The following VEPH1 variants were observed in gnomAD, a reference collection of about 807,000 sequenced individuals.
The protein encoded by VEPH1 is ventricular zone expressed PH domain containing 1.
In VEPH1, 80 loss-of-function variants were observed where a neutral mutation model predicts 85.2. The observed-to-expected ratio is 0.94, with a 90% CI of 0.78 to 1.13. VEPH1 has a LOEUF of 1.13. VEPH1 is among the 50% of genes most tolerant of loss of function. The pLI, the probability that VEPH1 is intolerant of heterozygous loss-of-function variation, is 0.00. For missense variants in VEPH1, 955 were observed against 980.5 expected (o/e 0.97, Z 0.35); for synonymous variants, 297 against 348.0 (o/e 0.85, Z 1.63).
At chr3:157,292,861 T>C (rs1717669728) in intron 11 of VEPH1, among the ~76,000 whole-genome samples, 1 of 142,748 alleles carries the variant, frequency 7.0e-6, no homozygotes, top group Non-Finnish European at 1.5e-5. Flanking sequence ...CAAGTGCCTG[T>C]AATGCCAGCT....
At chr3:157,387,185 C>T (rs1055405014) in intron 6 of VEPH1, among the ~76,000 whole-genome samples, 2 of 152,002 alleles carry the variant, frequency 1.3e-5, no homozygotes, top group African/African-American at 4.8e-5. Flanking sequence ...CCATTTTTTT[C>T]ACTTTTTATT....
At chr3:157,460,024 A>G (rs1735690849) in intron 4 of VEPH1, 157 bp downstream of exon 4, 3 of 1,561,160 alleles carry the variant, frequency 1.9e-6, no homozygotes, top group Non-Finnish European at 1.7e-6. Context: ...AGATTAAGTA[A>G]CCTTTTGCAT....
At chr3:157,366,551 A>G (rs192432073) in intron 7 of VEPH1, among the ~76,000 whole-genome samples, 18 of 152,284 alleles carry the variant, frequency 1.2e-4, no homozygotes, top group Admixed American at 9.8e-4. Context: ...CCTGCTCAAC[A>G]TGGTGAAACC....
At chr3:157,295,368 G>A (rs1257298613) in intron 11 of VEPH1, among the ~76,000 whole-genome samples, 1 of 151,842 alleles carries the variant, frequency 6.6e-6, no homozygotes, top group East Asian at 1.9e-4. Context: ...GGAGTTCGTG[G>A]AGGCAGTGAG....
rs552544551 is a variant in VEPH1, at chr3:157,495,556, G to A, written c.-157-50C>T. The A allele has an allele frequency of 1.6e-4, 206 of 1,261,734 alleles. 5 individuals are homozygous for A. In the South Asian group the frequency reaches 3.9e-3, roughly 24 times the overall value. 78.2% of individuals were successfully genotyped at this position (1,261,734 alleles called of 1,614,324 possible). A position where few individuals can be genotyped will look rare whatever the true frequency, so the allele number is the denominator to read the frequency against. ...TGTAGCCACTGGCAGAATGGCATAA[G>A]CTCAGAATGTGAACTCAGTGTCCAG... On this transcript the variant is annotated intron_variant, in intron 1 of 13. Transcript: ENST00000362010.
chr3:157,439,726 C>T (rs1577662848), intron 4 of VEPH1, among the ~76,000 whole-genome samples: 1 of 152,136 alleles, frequency 6.6e-6, no homozygotes, highest in African/African-American at 2.4e-5. Context: ...AATTCGATTG[C>T]AGTAGGCACC....
At position 157,313,666 on chromosome 3, in the gene VEPH1, G is replaced by C. The variant is rs1430434674; in HGVS notation, c.1965C>G (p.His655Gln). 1.2e-6 allele frequency: 2 copies of C among 1,614,018 alleles called. No homozygotes were observed. The highest frequency in any genetic ancestry group is 4.5e-5 in the East Asian group (2 of 44,876). Residue 655 changes from histidine (H) to glutamine (Q), a missense_variant, in exon 11 of 14, where the codon CAC (histidine) becomes CAG (glutamine). His to Gln is a conservative substitution (Grantham distance 24). Transcript: ENST00000362010. ...ACTCCATCATGGCAGTTTCAAAGCT[G>C]TGAGCACCCCCTGCCTGGGTCTTCT... ...LWEKTQAGGA[H>Q]SFETAMMEST...
At chr3:157,375,832 A>T (rs1728032070) in intron 7 of VEPH1, among the ~76,000 whole-genome samples, 1 of 152,168 alleles carries the variant, frequency 6.6e-6, no homozygotes, top group South Asian at 2.1e-4. Context: ...GCAAGCATAA[A>T]ATCTCATAAT....
chr3:157,313,191 A>G (rs1720328614), intron 11 of VEPH1, among the ~76,000 whole-genome samples: 1 of 151,598 alleles, frequency 6.6e-6, no homozygotes, highest in African/African-American at 2.4e-5. Context: ...GGCATGAGCC[A>G]CCGTGCCCGG....
intron 9 of VEPH1, among the ~76,000 whole-genome samples, chr3:157,328,161 C>T (rs1439088162): frequency 6.6e-6 from 1 of 152,134 alleles, no homozygotes; most frequent in Non-Finnish European, 1.5e-5. Flanking sequence ...TGCAAGTCTT[C>T]CAGTGCTGTC....
chr3:157,415,988 C>A (rs896914758), intron 5 of VEPH1, among the ~76,000 whole-genome samples: 9 of 152,114 alleles, frequency 5.9e-5, no homozygotes, highest in African/African-American at 1.9e-4. Flanking sequence ...GCAGGTCCTT[C>A]ACATGCTTCC....
chr3:157,365,224 A>T (rs1726505695), intron 7 of VEPH1, among the ~76,000 whole-genome samples: 1 of 152,188 alleles, frequency 6.6e-6, no homozygotes, highest in South Asian at 2.1e-4. Context: ...TCTGATGTTC[A>T]CTGAGGTGCT....
chr3:157,321,163 T>A (rs1252594580), intron 9 of VEPH1, among the ~76,000 whole-genome samples: 1 of 152,174 alleles, frequency 6.6e-6, no homozygotes, highest in African/African-American at 2.4e-5. Flanking sequence ...TCATTTTGAA[T>A]TCTTTACAAA....
chr3:157,498,365 C>T (rs189536365), intron 1 of VEPH1, among the ~76,000 whole-genome samples: 4 of 152,286 alleles, frequency 2.6e-5, no homozygotes, highest in Non-Finnish European at 4.4e-5. Flanking sequence ...AAAGTGTAAA[C>T]GAGCCCTTTA....
chr3:157,317,365 G>A (rs1309106532), intron 9 of VEPH1, among the ~76,000 whole-genome samples, 164 bp from the exon 10 acceptor site: 2 of 152,164 alleles, frequency 1.3e-5, no homozygotes, highest in African/African-American at 4.8e-5. Context: ...CCATTTCATG[G>A]AAAGTAGATT....
At chr3:157,500,572 G>T (rs962545093) in intron 1 of VEPH1, among the ~76,000 whole-genome samples, 4 of 152,152 alleles carry the variant, frequency 2.6e-5, no homozygotes. Flanking sequence ...CAAGAATCCA[G>T]TCATTCATGA....
intron 12 of VEPH1, among the ~76,000 whole-genome samples, chr3:157,272,365 TTTCTCTTTCTTTTC>T (rs1307477163): frequency 1.6e-5 from 2 of 124,994 alleles, no homozygotes; most frequent in South Asian, 5.6e-4. Context: ...TCTTTCTTTC[TTTCTCTTTCTTTTC>T]TTTCTTTCTT....
intron 3 of VEPH1, among the ~76,000 whole-genome samples, chr3:157,468,661 A>C (rs1736622716): frequency 1.3e-5 from 2 of 152,176 alleles, no homozygotes; most frequent in African/African-American, 4.8e-5. Context: ...TTGCATGTTG[A>C]AGTGATACTA....
chr3:157,455,598 C>A (rs548799343), intron 4 of VEPH1, among the ~76,000 whole-genome samples: 13 of 152,104 alleles, frequency 8.5e-5, no homozygotes, highest in Middle Eastern at 6.8e-3. Context: ...TCCAATAGGC[C>A]CCAGTATCTT....
Sources: gnomAD v4.1 joint callset for allele counts (sites outside exome capture counted in the v4.1 genomes callset) on GRCh38, gnomAD v4.1.1 for gene constraint, MANE v1.5 for transcripts, NCBI Gene and HGNC (gene_info 2026-07-23, HGNC 2026-07-21) for gene names.